OR3A2: variants seen among roughly 807,000 people sequenced by gnomAD.
OR3A2 encodes olfactory receptor 3A2.
For synonymous variants in OR3A2, 126 were observed against 159.3 expected, an observed-to-expected ratio of 0.79 and a Z score of 1.57; for missense variants, 318 against 392.8, an observed-to-expected ratio of 0.81 and a Z score of 1.61.
At chr17:3,372,233 G>A (rs1361884024) in intron 2 of OR3A2, among the ~76,000 whole-genome samples, 9 of 147,814 alleles carry the variant, frequency 6.1e-5, no homozygotes, top group Non-Finnish European at 8.9e-5. Context: ...ATGGGCGGCC[G>A]GGCAGAGATG....
intron 3 of OR3A2, among the ~76,000 whole-genome samples, chr17:3,330,135 T>C (rs2049217326): frequency 6.7e-6 from 1 of 149,094 alleles, no homozygotes; most frequent in African/African-American, 2.5e-5. Context: ...CTTCCAAGTA[T>C]GTGGTCAATT....
chr17:3,354,635 T>C (rs1297135654), intron 2 of OR3A2, among the ~76,000 whole-genome samples: 1 of 151,416 alleles, frequency 6.6e-6, no homozygotes, highest in African/African-American at 2.4e-5. Context: ...ATTTTATTTA[T>C]TTGGTCTTCT....
At chr17:3,334,285 C>T (rs1283018661) in intron 3 of OR3A2, among the ~76,000 whole-genome samples, 1 of 152,090 alleles carries the variant, frequency 6.6e-6, no homozygotes, top group South Asian at 2.1e-4. Flanking sequence ...CTTTTGTTTT[C>T]TCTTCATCCC....
In OR3A2 at chr17:3,331,089, G is replaced by A. The variant is rs575245225; in HGVS notation, c.-85+4944C>T. 1.6e-4 allele frequency among the ~76,000 whole-genome samples: 24 copies of A among 152,294 alleles called. No individual in the cohort carries two copies. The East Asian group carries it at 4.0e-3, about 26-fold the overall frequency. ...GTTTCTGCCGAGAGATCAGCTGTTA[G>A]TCTGATGGGCTTCCCTTTGAGGGTA... is the stretch of plus-strand genomic sequence containing the variant. On this transcript the variant is annotated intron_variant, in intron 3 of 4. Transcript: ENST00000573491.
At chr17:3,278,393 A>G in exon 2 of OR3A2, 1 of 1,614,030 alleles carries the variant, frequency 6.2e-7, no homozygotes. Context: ...GATTGACCTC[A>G]TTGGGGCCAC....
At chr17:3,354,117 CAG>C (rs2150655514) in intron 2 of OR3A2, among the ~76,000 whole-genome samples, 1 of 151,860 alleles carries the variant, frequency 6.6e-6, no homozygotes, top group Non-Finnish European at 1.5e-5. Flanking sequence ...CAGTATTCAT[CAG>C]AGATACTGGC....
At chr17:3,359,178 T>A (rs761323660) in intron 2 of OR3A2, among the ~76,000 whole-genome samples, 11 of 151,796 alleles carry the variant, frequency 7.2e-5, no homozygotes, top group Non-Finnish European at 1.5e-4. Context: ...TTGTTTTGTG[T>A]GAGATGGGTC....
chr17:3,367,985 T>A (rs2049579016), intron 2 of OR3A2, among the ~76,000 whole-genome samples: 1 of 152,222 alleles, frequency 6.6e-6, no homozygotes, highest in South Asian at 2.1e-4. Flanking sequence ...ATTTCCCTGA[T>A]AATTAGTGAT....
intron 2 of OR3A2, among the ~76,000 whole-genome samples, chr17:3,349,308 A>G (rs2049398828): frequency 6.6e-6 from 1 of 152,200 alleles, no homozygotes; most frequent in South Asian, 2.1e-4. Flanking sequence ...AGAGACACAC[A>G]TAGACTCAAA....
intron 3 of OR3A2, among the ~76,000 whole-genome samples, chr17:3,323,725 C>T (rs1458636203): frequency 6.6e-6 from 1 of 152,094 alleles, no homozygotes; most frequent in East Asian, 1.9e-4. Flanking sequence ...GCTGAGAGAT[C>T]AGCTGTTAGT....
intron 3 of OR3A2, among the ~76,000 whole-genome samples, chr17:3,295,598 C>T (rs1229903677): frequency 1.3e-5 from 2 of 151,880 alleles, no homozygotes; most frequent in Admixed American, 6.6e-5. Context: ...AACACACTTA[C>T]AATGATAAAG....
chr17:3,276,338 G>A (rs1004866165), downstream of OR3A2, among the ~76,000 whole-genome samples: 1 of 152,112 alleles, frequency 6.6e-6, no homozygotes, highest in Non-Finnish European at 1.5e-5. Context: ...AGAACAGTAT[G>A]GTTCTACTGA....
rs36085488 is a variant in OR3A2, at chr17:3,345,445, A to AGAGT, written c.-178-9320_-178-9319insACTC. Among the ~76,000 whole-genome samples, 129 of 151,684 alleles carry AGAGT rather than the reference A, an allele frequency of 8.5e-4. 1 individual carries two copies. In the East Asian group the frequency reaches 0.025, roughly 29 times the overall value. On this transcript the variant is annotated intron_variant, in intron 2 of 4. Transcript: ENST00000573491. The stretch of plus-strand genomic sequence containing the variant: ...AAGAGAGAGAGAGAGAGAGATAGAG[A>AGAGT]CAGAGAGAGAGACCAAAATAAGAAA...
chr17:3,338,349 G>A (rs2049288759), intron 2 of OR3A2, among the ~76,000 whole-genome samples: 1 of 152,146 alleles, frequency 6.6e-6, no homozygotes, highest in Non-Finnish European at 1.5e-5. Context: ...CCTTGCCCAT[G>A]CCTATATCTT....
At chr17:3,304,225 C>T (rs902739825) in intron 3 of OR3A2, among the ~76,000 whole-genome samples, 3 of 151,966 alleles carry the variant, frequency 2.0e-5, no homozygotes, top group Non-Finnish European at 4.4e-5. Context: ...TTTTTCTCTC[C>T]GGATGTTAGA....
At chr17:3,278,114 C>G (rs774750601) in exon 2 of OR3A2, 1 of 1,614,090 alleles carries the variant, frequency 6.2e-7, no homozygotes, top group African/African-American at 1.3e-5. Flanking sequence ...CTGAAGCCTC[C>G]TCTGAACCCA....
intron 2 of OR3A2, among the ~76,000 whole-genome samples, chr17:3,353,848 A>C (rs1200481867): frequency 6.6e-6 from 1 of 151,100 alleles, no homozygotes; most frequent in Non-Finnish European, 1.5e-5. Context: ...TTTAAAATAT[A>C]CCATTAAGTT....
intron 2 of OR3A2, among the ~76,000 whole-genome samples, chr17:3,362,764 A>G (rs2049529147): frequency 1.3e-5 from 2 of 151,740 alleles, no homozygotes; most frequent in African/African-American, 4.9e-5. Context: ...GAGCCCCTGC[A>G]GCAGACTTCT....
At chr17:3,375,928 G>A (rs2049679254) in intron 2 of OR3A2, among the ~76,000 whole-genome samples, 1 of 152,202 alleles carries the variant, frequency 6.6e-6, no homozygotes, top group African/African-American at 2.4e-5. Context: ...GGGAATGTCT[G>A]CAAAGAGTCC....
Sources: gnomAD v4.1 joint callset for allele counts (sites outside exome capture counted in the v4.1 genomes callset) on GRCh38, gnomAD v4.1.1 for gene constraint, MANE v1.5 for transcripts, NCBI Gene and HGNC (gene_info 2026-07-23, HGNC 2026-07-21) for gene names.